SPIDR: variants seen among roughly 807,000 people sequenced by gnomAD.
SPIDR encodes scaffold protein involved in DNA repair, also known as DNA repair-scaffolding protein.
Under a neutral mutation model 104.6 loss-of-function variants are expected in SPIDR, and 93 were observed. That is an observed-to-expected ratio of 0.89 (90% CI 0.75 to 1.06). The LOEUF (loss-of-function observed/expected upper bound fraction) is 1.06, where lower values mean the gene tolerates loss of function less well. Ranked by LOEUF, SPIDR falls within the 50% of genes least tolerant of loss-of-function variation. The probability of loss-of-function intolerance (pLI) is 0.00; values close to 1 mark genes in which losing one functional copy is unlikely to be tolerated. For synonymous variants in SPIDR, 431 were observed against 416.9 expected, an observed-to-expected ratio of 1.03 and a Z score of -0.41; for missense variants, 1,154 against 1,111.2, an observed-to-expected ratio of 1.04 and a Z score of -0.55.
chr8:47,339,718 C>T (rs527380766), intron 5 of SPIDR, among the ~76,000 whole-genome samples: 12 of 145,374 alleles, frequency 8.3e-5, no homozygotes, highest in Non-Finnish European at 1.8e-4. Flanking sequence ...CTCGCACTGT[C>T]GCCTGGACTG....
At chr8:47,475,045 T>C (rs781793802) in intron 8 of SPIDR, among the ~76,000 whole-genome samples, 7 of 152,238 alleles carry the variant, frequency 4.6e-5, no homozygotes, top group Admixed American at 3.3e-4. Flanking sequence ...AGCAGCTTGA[T>C]GTTCCTGGAA....
chr8:47,675,029 T>G (rs1023817019), intron 11 of SPIDR, among the ~76,000 whole-genome samples: 2 of 152,118 alleles, frequency 1.3e-5, no homozygotes, highest in Non-Finnish European at 2.9e-5. Flanking sequence ...TTGTTTTTTG[T>G]TTTGTCTTGT....
intron 8 of SPIDR, among the ~76,000 whole-genome samples, chr8:47,441,689 G>A (rs782334448): frequency 8.6e-5 from 13 of 151,996 alleles, no homozygotes; most frequent in Non-Finnish European, 1.8e-4. Context: ...TAGCTTCTGG[G>A]TTTTGTATCA....
intron 5 of SPIDR, among the ~76,000 whole-genome samples, chr8:47,385,556 T>C (rs1299974112): frequency 6.6e-6 from 1 of 152,238 alleles, no homozygotes; most frequent in Admixed American, 6.5e-5. Context: ...GCTTTTAGTC[T>C]CCCAGCACAG....
chr8:47,549,524 T>C (rs979568656), intron 8 of SPIDR, among the ~76,000 whole-genome samples: 2 of 152,254 alleles, frequency 1.3e-5, no homozygotes. Context: ...TGGCCAGTGA[T>C]GATGAGCATG....
At chr8:47,709,447 G>C (rs373118643) in intron 14 of SPIDR, among the ~76,000 whole-genome samples, 3 of 150,584 alleles carry the variant, frequency 2.0e-5, no homozygotes, top group Non-Finnish European at 3.0e-5. Flanking sequence ...GCCTAATTTT[G>C]GTATTTTTAG....
At chr8:47,483,437 C>T (rs1165399354) in intron 8 of SPIDR, among the ~76,000 whole-genome samples, 7 of 152,102 alleles carry the variant, frequency 4.6e-5, no homozygotes, top group Admixed American at 2.6e-4. Context: ...TCTAATAAGC[C>T]CTGAAGAGAT....
chr8:47,725,419 GTCTC>G (rs1348407834), intron 16 of SPIDR, among the ~76,000 whole-genome samples: 5 of 152,124 alleles, frequency 3.3e-5, no homozygotes, highest in Non-Finnish European at 5.9e-5. Flanking sequence ...TTGAGATAGA[GTCTC>G]TCTCTGTCAC....
At chr8:47,389,103 T>A (rs1173382017) in intron 5 of SPIDR, among the ~76,000 whole-genome samples, 1 of 152,304 alleles carries the variant, frequency 6.6e-6, no homozygotes, top group African/African-American at 2.4e-5. Context: ...CATTAGCAGA[T>A]TATGATAATA....
intron 8 of SPIDR, among the ~76,000 whole-genome samples, chr8:47,460,898 A>G (rs118006989): frequency 0.011 from 1,633 of 152,258 alleles, 17 homozygotes; most frequent in Non-Finnish European, 0.017. Context: ...TAAAGACTGT[A>G]TCTTTCCTTC....
At chr8:47,689,600 C>T (rs1464191767) in intron 11 of SPIDR, among the ~76,000 whole-genome samples, 1 of 152,210 alleles carries the variant, frequency 6.6e-6, no homozygotes, top group Non-Finnish European at 1.5e-5. Context: ...AATTCTGCAT[C>T]CATTCTGGCA....
chr8:47,586,135 T>C (rs2060226213), intron 8 of SPIDR, among the ~76,000 whole-genome samples: 2 of 152,184 alleles, frequency 1.3e-5, no homozygotes, highest in Non-Finnish European at 2.9e-5. Flanking sequence ...CATTCACCCA[T>C]TGATAGACAT....
chr8:47,648,007 A>G lies in SPIDR; in HGVS notation c.1545-25794A>G, dbSNP rs368731867. 1.9e-4 allele frequency among the ~76,000 whole-genome samples: 29 copies of G among 152,318 alleles called. 1 individual carries two copies. The highest frequency in any genetic ancestry group is 3.4e-3 in the Middle Eastern group (1 of 294). On this transcript the variant is annotated intron_variant, in intron 10 of 19. Transcript: ENST00000297423. ...ACTCTGATCGTGAGGAGGTCTAGAA[A>G]GCCATGATAATAAGGCCTTTGGATT...
chr8:47,692,495 T>C (rs1254922836), intron 11 of SPIDR, among the ~76,000 whole-genome samples: 1 of 146,722 alleles, frequency 6.8e-6, no homozygotes, highest in Non-Finnish European at 1.5e-5. Flanking sequence ...TCCTTTTTTT[T>C]TTTTTTTTTT....
At chr8:47,355,795 A>G (rs527916297) in intron 5 of SPIDR, among the ~76,000 whole-genome samples, 2 of 152,314 alleles carry the variant, frequency 1.3e-5, no homozygotes, top group East Asian at 3.9e-4. Context: ...ACACTATTAA[A>G]TATTTTTTAA....
chr8:47,492,059 C>T (rs1246468537), intron 8 of SPIDR, among the ~76,000 whole-genome samples: 1 of 152,076 alleles, frequency 6.6e-6, no homozygotes, highest in African/African-American at 2.4e-5. Flanking sequence ...CTCTCACTCC[C>T]CAACCTGAAA....
chr8:47,316,862 A>G (rs1438261233), intron 5 of SPIDR, among the ~76,000 whole-genome samples: 1 of 152,212 alleles, frequency 6.6e-6, no homozygotes, highest in Non-Finnish European at 1.5e-5. Context: ...ATACATATTA[A>G]TAGAAATATA....
chr8:47,351,448 G>A (rs1554622333), intron 5 of SPIDR, among the ~76,000 whole-genome samples: 3 of 152,154 alleles, frequency 2.0e-5, no homozygotes, highest in East Asian at 1.9e-4. Flanking sequence ...TAGAAAATGT[G>A]GTAAAGAGCT....
At chr8:47,713,203 A>T in intron 15 of SPIDR, 1 of 622,420 alleles carries the variant, frequency 1.6e-6, no homozygotes, top group Non-Finnish European at 2.6e-6. Flanking sequence ...CCAGGGATCA[A>T]ACTAAAATCC....
Sources: gnomAD v4.1 joint callset for allele counts (sites outside exome capture counted in the v4.1 genomes callset) on GRCh38, gnomAD v4.1.1 for gene constraint, MANE v1.5 for transcripts, NCBI Gene and HGNC (gene_info 2026-07-23, HGNC 2026-07-21) for gene names.